The following SYT12 variants were observed in gnomAD, a reference collection of about 807,000 sequenced individuals.
SYT12 encodes the protein synaptotagmin 12.
Under a neutral mutation model 39.5 loss-of-function variants are expected in SYT12, and 27 were observed. The ratio of observed to expected loss-of-function variants is 0.68; its 90% CI spans 0.50 to 0.94. SYT12 has a LOEUF of 0.94. SYT12 is among the 40% of genes least tolerant of loss of function. SYT12 has a pLI of 0.00. For missense variants in SYT12, 536 were observed against 572.6 expected (o/e 0.94, Z 0.65); for synonymous variants, 233 against 239.7 (o/e 0.97, Z 0.26).
At chr11:67,043,934 C>T (rs1645764005) in intron 5 of SYT12, 81 bp downstream of exon 5, 10 of 1,283,898 alleles carry the variant, frequency 7.8e-6, no homozygotes, top group Non-Finnish European at 1.1e-5. Flanking sequence ...TCATCCTCAT[C>T]ATCCTCTGCA....
chr11:67,046,841 G>C (rs1461848358), intron 7 of SYT12, among the ~76,000 whole-genome samples: 2 of 152,240 alleles, frequency 1.3e-5, no homozygotes, highest in Non-Finnish European at 2.9e-5. Flanking sequence ...CCCGTCCTCG[G>C]TTGTGAGTGC....
chr11:67,029,718 G>A (rs184344353), intron 1 of SYT12: 1 of 160,740 alleles, frequency 6.2e-6, no homozygotes, highest in Non-Finnish European at 1.4e-5. Context: ...GCCGGGTGGG[G>A]TGGCACATGC....
At chr11:67,028,290 C>G (rs905797926) in intron 1 of SYT12, 1 of 152,184 alleles carries the variant, frequency 6.6e-6, no homozygotes, top group Non-Finnish European at 1.5e-5. Flanking sequence ...AGCCCAGGCC[C>G]AGGAATGAGC....
upstream of SYT12, among the ~76,000 whole-genome samples, chr11:67,019,705 C>T (rs953184192): frequency 6.6e-6 from 1 of 151,976 alleles, no homozygotes; most frequent in Non-Finnish European, 1.5e-5. Context: ...CATGACCAAC[C>T]TGGGCAACGT....
chr11:67,037,849 T>C (rs1225669532), intron 3 of SYT12, among the ~76,000 whole-genome samples: 49 of 140,952 alleles, frequency 3.5e-4, no homozygotes, highest in African/African-American at 1.3e-3. Context: ...ACCACTCTAC[T>C]CCAGCCTGGG....
At chr11:67,008,195 C>T (rs1236900120) in intron 1 of SYT12, among the ~76,000 whole-genome samples, 1 of 152,138 alleles carries the variant, frequency 6.6e-6, no homozygotes, top group East Asian at 1.9e-4. Flanking sequence ...CTCACGTGAT[C>T]CGCCTGCCTC....
At chr11:67,045,963 C>A (rs1484116639) in intron 7 of SYT12, 86 bp downstream of exon 7, 2 of 1,555,036 alleles carry the variant, frequency 1.3e-6, no homozygotes, top group Non-Finnish European at 1.8e-6. Flanking sequence ...TTCTCAGGGC[C>A]CCTGCAGGGG....
chr11:67,017,646 CA>C (rs1360700425), intron 3 of SYT12, among the ~76,000 whole-genome samples: 1 of 150,594 alleles, frequency 6.6e-6, no homozygotes, highest in African/African-American at 2.4e-5. Flanking sequence ...AGGAGTGAGC[CA>C]CCTCGCCCAG....
rs561995073 is a variant in SYT12, at chr11:67,047,849, G to A, written c.1093-735G>A. 5.4e-3 allele frequency among the ~76,000 whole-genome samples: 750 copies of A among 139,118 alleles called. 8 individuals carry two copies. Among genetic ancestry groups the A allele is most frequent in the Non-Finnish European group, 6.3e-3 (412 of 65,564 alleles). 91.3% of individuals were successfully genotyped at this position (139,118 alleles called of 152,430 possible). On this transcript the variant is annotated intron_variant, in intron 7 of 7. Transcript: ENST00000527043. ...TTCGCCCAGGCTGGACTGCAGTGGCGCTGTCTTGGCTCACTGCAAGCTCCG... is the reference window on the plus strand; with the variant it reads ...TTCGCCCAGGCTGGACTGCAGTGGCACTGTCTTGGCTCACTGCAAGCTCCG...
At position 67,016,761 on chromosome 11, in the gene SYT12, CAA is replaced by C. The variant is rs535000179; in HGVS notation, c.-68-5107_-68-5106del. ...ATGCTCGTGCCCATGCAGCCATTCCCAAGAGGCCCTCAGCTCTTCACACTTCC... is the reference window on the plus strand; with the variant it reads ...ATGCTCGTGCCCATGCAGCCATTCCCGAGGCCCTCAGCTCTTCACACTTCC... On this transcript the variant is annotated intron_variant, in intron 3 of 10. Transcript: ENST00000393946. Among the ~76,000 whole-genome samples, 261 of 152,122 alleles carry C rather than the reference CAA, an allele frequency of 1.7e-3. 1 individual carries two copies. The highest frequency in any genetic ancestry group is 2.8e-3 in the Non-Finnish European group (191 of 68,006).
In SYT12 at chr11:67,050,677, C is replaced by G. The variant is rs1374020629; in HGVS notation, c.*1920C>G. On this transcript the variant is annotated 3_prime_UTR_variant, in exon 8 of 8. Transcript: ENST00000527043. ...GCGGTGCAGGCCACTGACTCCCCCC[C>G]TGCCCTCTCCCCTCTCTCCCTCCCC... is the stretch of plus-strand genomic sequence containing the variant. 2.0e-5 allele frequency: 3 copies of G among 152,532 alleles called. No individual in the cohort carries two copies. Among genetic ancestry groups the G allele is most frequent in the African/African-American group, 7.2e-5 (3 of 41,456 alleles). The allele number at this position is 152,532 out of a possible 1,614,324, so 9.4% of individuals were successfully genotyped here. A position where few individuals can be genotyped will look rare whatever the true frequency, so the allele number is the denominator to read the frequency against.
exon 1 of SYT12, chr11:67,006,981 T>C (rs1199056236): frequency 6.6e-6 from 1 of 152,154 alleles, no homozygotes; most frequent in East Asian, 1.9e-4. Context: ...GCTTGAGCGG[T>C]TTTCTGTTAC....
At chr11:67,036,597 C>G (rs1286220119) in intron 3 of SYT12, among the ~76,000 whole-genome samples, 4 of 152,114 alleles carry the variant, frequency 2.6e-5, no homozygotes, top group Admixed American at 6.5e-5. Flanking sequence ...CTTAGGGTGT[C>G]TGGGGGGACT....
intron 3 of SYT12, 132 bp downstream of exon 3, chr11:67,034,970 T>G: frequency 1.8e-6 from 1 of 571,000 alleles, no homozygotes. Flanking sequence ...GAAAGGGGAG[T>G]AGACCTCCCT....
chr11:67,024,884 TG>T (rs1428215495), intron 1 of SYT12, among the ~76,000 whole-genome samples: 6 of 151,484 alleles, frequency 4.0e-5, no homozygotes, highest in African/African-American at 1.5e-4. Flanking sequence ...GGCAAGGAGG[TG>T]GGGTGGAGCA....
At chr11:67,013,331 T>G (rs1246778387) in intron 3 of SYT12, among the ~76,000 whole-genome samples, 1 of 152,224 alleles carries the variant, frequency 6.6e-6, no homozygotes, top group African/African-American at 2.4e-5. Flanking sequence ...TCTGCCGAGC[T>G]GATACCTGCC....
At chr11:67,026,534 A>G (rs1406679230) in intron 1 of SYT12, 2 of 152,146 alleles carry the variant, frequency 1.3e-5, no homozygotes, top group Admixed American at 1.3e-4. Context: ...CGGCCTCCCA[A>G]AGTGCTGGGA....
At chr11:67,044,001 G>C in intron 5 of SYT12, 148 bp downstream of exon 5, 1 of 792,778 alleles carries the variant, frequency 1.3e-6, no homozygotes, top group Non-Finnish European at 2.0e-6. Context: ...AGCCACATCC[G>C]AGGAAACTGC....
intron 4 of SYT12, among the ~76,000 whole-genome samples, chr11:67,040,664 C>A (rs1378532373): frequency 1.3e-5 from 2 of 151,718 alleles, no homozygotes; most frequent in African/African-American, 4.8e-5. Context: ...ACGGTGAAAC[C>A]CCATCTCTAC....
Sources: gnomAD v4.1 joint callset for allele counts (sites outside exome capture counted in the v4.1 genomes callset) on GRCh38, gnomAD v4.1.1 for gene constraint, MANE v1.5 for transcripts, NCBI Gene and HGNC (gene_info 2026-07-23, HGNC 2026-07-21) for gene names.